VAX2: variants seen among roughly 807,000 people sequenced by gnomAD.
The protein encoded by VAX2 is ventral anterior homeobox 2.
Under a neutral mutation model 12.5 loss-of-function variants are expected in VAX2, and 8 were observed. That is an observed-to-expected ratio of 0.64 (90% CI 0.37 to 1.15). VAX2 has a LOEUF of 1.15. VAX2 is among the 50% of genes most tolerant of loss of function. VAX2 has a pLI of 0.01. For synonymous variants in VAX2, 183 were observed against 187.6 expected (o/e 0.98, Z 0.20); for missense variants, 476 against 412.9 (o/e 1.15, Z -1.32).
chr2:70,925,577 G>T (rs1402972053), intron 2 of VAX2, among the ~76,000 whole-genome samples: 1 of 152,162 alleles, frequency 6.6e-6, no homozygotes, highest in Non-Finnish European at 1.5e-5. Context: ...CAGATTTTGG[G>T]GGGAGGGCTG....
intron 1 of VAX2, among the ~76,000 whole-genome samples, chr2:70,905,993 G>A (rs1261360656): frequency 1.3e-5 from 2 of 152,194 alleles, no homozygotes; most frequent in African/African-American, 4.8e-5. Flanking sequence ...AATGGTGGGA[G>A]GTGGAGCATA....
intron 2 of VAX2, among the ~76,000 whole-genome samples, chr2:70,928,840 C>T (rs1679628488): frequency 6.6e-6 from 1 of 152,246 alleles, no homozygotes; most frequent in Non-Finnish European, 1.5e-5. Flanking sequence ...ATTCACATTT[C>T]CTGTGGGCCA....
chr2:70,917,900 C>G, intron 1 of VAX2, among the ~76,000 whole-genome samples: 1 of 152,144 alleles, frequency 6.6e-6, no homozygotes, highest in East Asian at 1.9e-4. Context: ...TATTCATACC[C>G]CACAAAACAT....
intron 2 of VAX2, 83 bp downstream of exon 2, chr2:70,921,368 C>CA (rs1461585371): frequency 2.2e-5 from 31 of 1,418,876 alleles, no homozygotes; most frequent in Admixed American, 1.5e-4. Flanking sequence ...TGAGCTGCTA[C>CA]AGGGAGACCC....
At chr2:70,907,344 TCCC>T (rs1679083448) in intron 1 of VAX2, among the ~76,000 whole-genome samples, 1 of 152,230 alleles carries the variant, frequency 6.6e-6, no homozygotes. Context: ...ATGGTGAGTC[TCCC>T]GGCTTTCGGC....
intron 1 of VAX2, among the ~76,000 whole-genome samples, chr2:70,913,403 C>T (rs1459646966): frequency 2.0e-5 from 3 of 152,216 alleles, no homozygotes; most frequent in South Asian, 2.1e-4. Context: ...GCTTGAAGGC[C>T]GGGTGCAGTG....
chr2:70,910,201 G>A (rs1458285199), intron 1 of VAX2, among the ~76,000 whole-genome samples: 1 of 152,148 alleles, frequency 6.6e-6, no homozygotes, highest in Non-Finnish European at 1.5e-5. Flanking sequence ...ATAGAAGAAA[G>A]AAGATTATTC....
chr2:70,928,170 A>T (rs372521586), intron 2 of VAX2, among the ~76,000 whole-genome samples: 2 of 152,138 alleles, frequency 1.3e-5, no homozygotes, highest in African/African-American at 4.8e-5. Context: ...GGCCCTGTGA[A>T]CCTACCCGCT....
intron 1 of VAX2, among the ~76,000 whole-genome samples, chr2:70,917,157 A>AAG (rs1269972673): frequency 1.3e-5 from 2 of 148,238 alleles, no homozygotes; most frequent in Non-Finnish European, 3.0e-5. Context: ...GTCTCAAAAA[A>AAG]AAAAAAAAAA....
intron 2 of VAX2, chr2:70,924,364 A>G (rs1679523423): frequency 6.6e-6 from 1 of 151,812 alleles, no homozygotes; most frequent in African/African-American, 2.4e-5. Flanking sequence ...TTATTTATTT[A>G]TTTATGTTTA....
chr2:70,906,705 T>C (rs1172825678), intron 1 of VAX2, among the ~76,000 whole-genome samples: 1 of 151,990 alleles, frequency 6.6e-6, no homozygotes, highest in Non-Finnish European at 1.5e-5. Context: ...TTCTTTAACT[T>C]ATTCTACAAA....
chr2:70,907,577 C>T (rs782176210), intron 1 of VAX2, among the ~76,000 whole-genome samples: 79 of 152,340 alleles, frequency 5.2e-4, no homozygotes, highest in Middle Eastern at 3.4e-3. Flanking sequence ...CTTCCATTCC[C>T]CACTACTTGG....
At chr2:70,908,162 C>T (rs1262348115) in intron 1 of VAX2, among the ~76,000 whole-genome samples, 2 of 152,224 alleles carry the variant, frequency 1.3e-5, no homozygotes, top group East Asian at 1.9e-4. Context: ...ATTTCATTTA[C>T]TGTAATAGGT....
At chr2:70,901,492 C>T (rs1466235728) in intron 1 of VAX2, among the ~76,000 whole-genome samples, 1 of 152,260 alleles carries the variant, frequency 6.6e-6, no homozygotes, top group Non-Finnish European at 1.5e-5. Context: ...CTCGGCGCCG[C>T]CTTCCCGCGG....
At chr2:70,929,212 G>A (rs1679636919) in intron 2 of VAX2, among the ~76,000 whole-genome samples, 1 of 152,148 alleles carries the variant, frequency 6.6e-6, no homozygotes, top group Non-Finnish European at 1.5e-5. Flanking sequence ...TTCTTCAAAT[G>A]TCCCCTCTTC....
At chr2:70,913,279 G>A (rs535616226) in intron 1 of VAX2, among the ~76,000 whole-genome samples, 6 of 152,310 alleles carry the variant, frequency 3.9e-5, no homozygotes, top group African/African-American at 1.2e-4. Context: ...TGGTTATTGG[G>A]TTTTGTTATT....
At chr2:70,921,364 G>T in intron 2 of VAX2, 79 bp downstream of exon 2, 1 of 1,430,326 alleles carries the variant, frequency 7.0e-7, no homozygotes, top group Non-Finnish European at 9.2e-7. Context: ...CCTGTGAGCT[G>T]CTACAGGGAG....
At chr2:70,903,434 G>A (rs1402672525) in intron 1 of VAX2, among the ~76,000 whole-genome samples, 1 of 152,162 alleles carries the variant, frequency 6.6e-6, no homozygotes, top group African/African-American at 2.4e-5. Flanking sequence ...GGGGGGTGGG[G>A]GGCAGGTTTG....
In VAX2 at chr2:70,925,484, G is replaced by A. The variant is rs573424387; in HGVS notation, c.435+4199G>A. ...AATGAGTTGAGAAACTGGGGGAGAA[G>A]CAAGATGGTGGGAGCATAATCAAGA... On this transcript the variant is annotated intron_variant, in intron 2 of 2. Coordinates refer to ENST00000234392, the MANE Select transcript of VAX2 (RefSeq NM_012476.3). 5.3e-5 allele frequency among the ~76,000 whole-genome samples: 8 copies of A among 152,322 alleles called. No homozygotes were observed. In the South Asian group the frequency reaches 1.7e-3, roughly 32 times the overall value.
Sources: allele counts gnomAD v4.1 joint callset (sites outside exome capture counted in the v4.1 genomes callset), GRCh38; gene constraint gnomAD v4.1.1; transcripts MANE v1.5; gene names NCBI Gene and HGNC (gene_info 2026-07-23, HGNC 2026-07-21).